Variants in MYOM3 observed in about 807,000 individuals in gnomAD.
MYOM3 encodes myomesin-3.
MYOM3 carries 155 observed loss-of-function variants against 191.7 expected under a neutral mutation model. That is an observed-to-expected ratio of 0.81 (90% CI 0.71 to 0.92). The LOEUF (loss-of-function observed/expected upper bound fraction) is 0.92. MYOM3 is among the 40% of genes least tolerant of loss of function. The probability of loss-of-function intolerance (pLI) is 0.00; values close to 1 mark genes in which losing one functional copy is unlikely to be tolerated. For missense variants in MYOM3, 1,889 were observed against 1,890.6 expected (o/e 1.00, Z 0.02); for synonymous variants, 757 against 762.9 (o/e 0.99, Z 0.13).
In MYOM3 at chr1:24,080,300, A is replaced by G; in HGVS notation, c.2408-106T>C. On this transcript the variant is annotated intron_variant, in intron 19 of 36. Coordinates refer to ENST00000374434, the MANE Select transcript of MYOM3 (RefSeq NM_152372.4). Reference sequence around the variant, plus strand: ...CAGTCAACAAGCTTGTCAATCCCTCAGTCACAGTCAAGCCAGGAAGGGCCT... The same window carrying G: ...CAGTCAACAAGCTTGTCAATCCCTCGGTCACAGTCAAGCCAGGAAGGGCCT... 3.4e-6 allele frequency: 3 copies of G among 890,638 alleles called. 1 individual carries two copies. The highest frequency in any genetic ancestry group is 3.6e-5 in the South Asian group (2 of 55,958). 55.2% of individuals were successfully genotyped at this position (890,638 alleles called of 1,614,324 possible).
intron 15 of MYOM3, among the ~76,000 whole-genome samples, chr1:24,086,402 C>T (rs1643747724): frequency 6.6e-6 from 1 of 152,120 alleles, no homozygotes; most frequent in Admixed American, 6.5e-5. Context: ...TGCACTCTAA[C>T]CCATGCATTG....
Position 24,108,575 on chromosome 1 carries a change from A to C in MYOM3, c.62T>G (p.Val21Gly), listed in dbSNP as rs1280701378. The C allele has an allele frequency of 2.5e-6, 4 of 1,576,034 alleles. No homozygotes were observed. Among genetic ancestry groups the C allele is most frequent in the Middle Eastern group, 1.7e-4 (1 of 5,994 alleles). Residue 21 changes from valine (V) to glycine (G), a missense_variant, in exon 2 of 37, where the codon GTT (valine) becomes GGT (glycine). Transcript: ENST00000374434. ...GDPRPPQAME[V>G]HRLEHRQEEE... ...CTCCTGCCGGTGCTCCAGCCTGTGAACCTCCATGGCCTGGGGGGGCCGGGG... is the reference window on the plus strand; with the variant it reads ...CTCCTGCCGGTGCTCCAGCCTGTGACCCTCCATGGCCTGGGGGGGCCGGGG...
rs199883915 is a variant in MYOM3 at position 24,107,077 on chromosome 1, C to G, written c.398G>C (p.Arg133Pro). ...CTCCACGGCCCACCCCCTTACCCGC[C>G]GCCTCAGCGTCTTCCAGTCCCGCCT... ...RQRRDWKTLR[R>P]RTEEKVQEAK... The change falls in exon 4 of 37, where the codon CGG (arginine) becomes CCG (proline). Residue 133 changes from arginine to proline, a missense_variant. By Grantham distance (103) the Arg-to-Pro change is moderately radical. Transcript: ENST00000374434. 3 of 1,606,568 alleles carry G rather than the reference C, an allele frequency of 1.9e-6. No homozygotes were observed. Among genetic ancestry groups the G allele is most frequent in the Non-Finnish European group, 2.5e-6 (3 of 1,176,778 alleles).
rs766889836 is a variant in MYOM3, at chr1:24,063,216, A to G, written c.3680T>C (p.Leu1227Pro). ...GRIGALSATPLKIQGTEEGIR... is the reference protein window; with the variant it reads ...GRIGALSATPPKIQGTEEGIR... ...CCCTTCCTCGGTCCCCTGGATTTTC[A>G]GTGGAGTTGCAGAGAGGGCTGGGGA... is the stretch of plus-strand genomic sequence containing the variant. The change falls in exon 32 of 37, where the codon CTG becomes CCG. Residue 1227 changes from leucine to proline, a missense_variant. Leu to Pro is a moderately conservative substitution (Grantham distance 98). Coordinates refer to ENST00000374434, the MANE Select transcript of MYOM3 (RefSeq NM_152372.4). The surrounding 1 kb of genome is among the most constrained non-coding windows in gnomAD (Gnocchi z 4.5). 3.7e-6 allele frequency: 6 copies of G among 1,613,798 alleles called. No individual in the cohort carries two copies. The Admixed American group carries it at 8.3e-5, about 22-fold the overall frequency.
chr1:24,082,962 T>G (rs1048417373), intron 16 of MYOM3: 1 of 367,774 alleles, frequency 2.7e-6, no homozygotes, highest in East Asian at 4.9e-5. Flanking sequence ...GCAAATACGC[T>G]AGGAAAGGTT....
chr1:24,100,434 T>C (rs1643903832), intron 5 of MYOM3, among the ~76,000 whole-genome samples: 1 of 152,030 alleles, frequency 6.6e-6, no homozygotes, highest in African/African-American at 2.4e-5. Context: ...TACCAAGCCA[T>C]CCCCAGGGGC....
At position 24,086,718 on chromosome 1, in the gene MYOM3, A is replaced by G; in HGVS notation, c.1724T>C (p.Val575Ala). 1.9e-6 allele frequency: 3 copies of G among 1,613,908 alleles called. No homozygotes were observed. The highest frequency in any genetic ancestry group is 1.1e-5 in the South Asian group (1 of 91,064). Residue 575 changes from valine (V) to alanine (A), a missense_variant, in exon 15 of 37, where the codon GTG (valine) becomes GCG (alanine). Transcript: ENST00000374434. ...LEKKKSYVFRVRAMNQYGLSD... is the reference protein window; with the variant it reads ...LEKKKSYVFRARAMNQYGLSD... ...CAGGCCATACTGGTTCATTGCTCGC[A>G]CTCTGAAGACATACGACTTCTTTTT...
intron 3 of MYOM3, among the ~76,000 whole-genome samples, chr1:24,107,745 G>A (rs948988496): frequency 3.9e-5 from 6 of 152,206 alleles, no homozygotes; most frequent in African/African-American, 1.4e-4. Context: ...GTCTGTTGGT[G>A]AAGTAGGCCC....
intron 29 of MYOM3, among the ~76,000 whole-genome samples, chr1:24,065,186 G>A (rs1643418605): frequency 6.6e-6 from 1 of 152,216 alleles, no homozygotes; most frequent in Non-Finnish European, 1.5e-5. Flanking sequence ...GGCAAAGGCT[G>A]ACTTGGCATC....
At chr1:24,091,712 G>A (rs1329061664) in intron 11 of MYOM3, among the ~76,000 whole-genome samples, 2 of 152,206 alleles carry the variant, frequency 1.3e-5, no homozygotes, top group South Asian at 4.1e-4. Flanking sequence ...TCATGAGCCT[G>A]TCCGTGGCAG....
At chr1:24,067,324 C>CTTT (rs1643453373) in intron 27 of MYOM3, among the ~76,000 whole-genome samples, 12 of 100,578 alleles carry the variant, frequency 1.2e-4, no homozygotes, top group Admixed American at 4.0e-4. Context: ...TTCTTTCTTT[C>CTTT]CTTCTTTCTT....
intron 2 of MYOM3, 100 bp downstream of exon 2, chr1:24,108,376 A>G: frequency 7.9e-7 from 1 of 1,267,894 alleles, no homozygotes; most frequent in African/African-American, 1.5e-5. Context: ...CCCTCCCCCC[A>G]TCAGGTTGGA....
chr1:24,082,267 G>A (rs376268084), intron 17 of MYOM3, 79 bp from the exon 18 acceptor site: 44 of 1,320,464 alleles, frequency 3.3e-5, no homozygotes, highest in Admixed American at 1.7e-4. Context: ...GGGAGCTGAC[G>A]AGCCTCCTCT....
rs1240068334 is a variant in MYOM3, at chr1:24,057,127, T to C, written c.*237A>G. On this transcript the variant is annotated 3_prime_UTR_variant, in exon 37 of 37. Coordinates refer to ENST00000374434, the MANE Select transcript of MYOM3 (RefSeq NM_152372.4). ...TAGATAGCCCCAGTGCATCCGGGTC[T>C]CCTACTCCAGGTCCAGGGTTCATCC... 3 of 557,564 alleles carry C rather than the reference T, an allele frequency of 5.4e-6. No individual in the cohort carries two copies. Among genetic ancestry groups the C allele is most frequent in the Non-Finnish European group, 9.6e-6 (3 of 313,224 alleles). 34.5% of individuals were successfully genotyped at this position (557,564 alleles called of 1,614,324 possible). A position where few individuals can be genotyped will look rare whatever the true frequency, so the allele number is the denominator to read the frequency against.
chr1:24,067,165 T>G, intron 27 of MYOM3, 77 bp from the exon 28 acceptor site: 1 of 1,439,668 alleles, frequency 6.9e-7, no homozygotes, highest in Non-Finnish European at 9.5e-7. Flanking sequence ...CAGGCAGTGC[T>G]GGGGGGAGGG....
Position 24,095,116 on chromosome 1 carries a change from G to A in MYOM3, c.791-126C>T, listed in dbSNP as rs1643871158. The stretch of plus-strand genomic sequence containing the variant: ...GTCTTGACTAGGAGAAGGGGACCTG[G>A]CCTTGGGGTAGGAGGGGAAGAGACT... On this transcript the variant is annotated intron_variant, in intron 8 of 36. Coordinates refer to ENST00000374434, the MANE Select transcript of MYOM3 (RefSeq NM_152372.4). 6 of 1,046,160 alleles carry A rather than the reference G, an allele frequency of 5.7e-6. No homozygotes were observed. In the South Asian group the frequency reaches 1.0e-4, roughly 17 times the overall value. 64.8% of individuals were successfully genotyped at this position (1,046,160 alleles called of 1,614,324 possible). A position where few individuals can be genotyped will look rare whatever the true frequency, so the allele number is the denominator to read the frequency against.
Position 24,074,235 on chromosome 1 carries a change from C to T in MYOM3, c.2893G>A (p.Asp965Asn). ...ACTATGACTGAGTAGGTGCCCAAAT[C>T]CTCGAGGCCGGGTTCTTTCAGGATG... ...KVILKEPGLE[D>N]LGTYSVIVTD... The change falls in exon 23 of 37, where the codon GAT becomes AAT. Residue 965 changes from aspartate to asparagine, a missense_variant. Transcript: ENST00000374434. The T allele has an allele frequency of 6.2e-7, 1 of 1,614,106 alleles. No homozygotes were observed. The highest frequency in any genetic ancestry group is 8.5e-7 in the Non-Finnish European group (1 of 1,179,972).
At chr1:24,103,502 A>G (rs1340102093) in intron 5 of MYOM3, among the ~76,000 whole-genome samples, 1 of 152,230 alleles carries the variant, frequency 6.6e-6, no homozygotes, top group Non-Finnish European at 1.5e-5. Flanking sequence ...AATTAAAAGA[A>G]AGTAAAGAAT....
intron 35 of MYOM3, among the ~76,000 whole-genome samples, chr1:24,060,750 TC>T (rs1643360295): frequency 6.6e-6 from 1 of 152,022 alleles, no homozygotes; most frequent in Non-Finnish European, 1.5e-5. Context: ...AGTCACCCCA[TC>T]CCCACAGATC....
Sources: allele counts gnomAD v4.1 joint callset (sites outside exome capture counted in the v4.1 genomes callset), GRCh38; gene constraint gnomAD v4.1.1; non-coding constraint Gnocchi (gnomAD v3.1); transcripts MANE v1.5; gene names NCBI Gene and HGNC (gene_info 2026-07-23, HGNC 2026-07-21).